Variants in CCSER1 observed in about 807,000 individuals in gnomAD.
CCSER1 encodes the protein serine-rich coiled-coil domain-containing protein 1.
In CCSER1, 41 loss-of-function variants were observed where a neutral mutation model predicts 82.0. That is an observed-to-expected ratio of 0.50 (90% CI 0.39 to 0.65). The LOEUF is 0.65. Among genes scored for constraint, CCSER1 ranks in the 30% least tolerant of loss-of-function variants. The pLI is 0.00. For missense variants in CCSER1, 1,119 were observed against 1,064.2 expected (o/e 1.05, Z -0.72); for synonymous variants, 414 against 383.9 (o/e 1.08, Z -0.92).
chr4:90,479,713 T>C (rs2153597053), intron 5 of CCSER1, among the ~76,000 whole-genome samples: 1 of 152,292 alleles, frequency 6.6e-6, no homozygotes. Flanking sequence ...AACTCATCCT[T>C]TTTTATGGCT....
chr4:90,217,438 T>A (rs947830316), intron 1 of CCSER1, among the ~76,000 whole-genome samples: 9 of 152,120 alleles, frequency 5.9e-5, no homozygotes, highest in African/African-American at 2.2e-4. Flanking sequence ...GACCTTGTAT[T>A]CCGCCCGCCT....
At chr4:90,544,136 G>A (rs1009073934) in intron 5 of CCSER1, among the ~76,000 whole-genome samples, 3 of 152,102 alleles carry the variant, frequency 2.0e-5, no homozygotes, top group African/African-American at 4.8e-5. Flanking sequence ...CAGAAGAACC[G>A]TGAGATTAGA....
intron 10 of CCSER1, among the ~76,000 whole-genome samples, chr4:91,255,406 TAGTG>T (rs565498876): frequency 6.5e-4 from 99 of 152,312 alleles, no homozygotes; most frequent in African/African-American, 2.1e-3. Context: ...TCACAGTTGA[TAGTG>T]AGTTTTCAAA....
intron 1 of CCSER1, among the ~76,000 whole-genome samples, chr4:90,243,419 T>C (rs933572321): frequency 6.6e-6 from 1 of 152,028 alleles, no homozygotes; most frequent in African/African-American, 2.4e-5. Context: ...CAGCTAATTT[T>C]TGTATTTTTA....
At chr4:91,284,167 T>A (rs1293559276) in intron 10 of CCSER1, among the ~76,000 whole-genome samples, 1 of 152,116 alleles carries the variant, frequency 6.6e-6, no homozygotes, top group Admixed American at 6.6e-5. Flanking sequence ...TAGCACTCTC[T>A]CTCTCAACTC....
rs1321398836 is a variant in CCSER1, at chr4:90,743,251, A to G, written c.2010+19260A>G. On this transcript the variant is annotated intron_variant, in intron 7 of 10. Transcript: ENST00000509176. ...TGTGTCCCTTTGGTTAGTGGCTGATACATAGCACAGAAATTAGAAGGTAAA... is the reference window on the plus strand; with the variant it reads ...TGTGTCCCTTTGGTTAGTGGCTGATGCATAGCACAGAAATTAGAAGGTAAA... Among the ~76,000 whole-genome samples the G allele has an allele frequency of 3.9e-5, 6 of 152,222 alleles. No homozygotes were observed. The East Asian group carries it at 1.2e-3, about 29-fold the overall frequency.
intron 5 of CCSER1, among the ~76,000 whole-genome samples, chr4:90,550,905 A>C (rs1196257506): frequency 6.6e-6 from 1 of 152,252 alleles, no homozygotes; most frequent in Non-Finnish European, 1.5e-5. Context: ...TCTAGTTGCA[A>C]ATATTATCTG....
intron 1 of CCSER1, among the ~76,000 whole-genome samples, chr4:90,240,957 G>T (rs987834424): frequency 5.3e-5 from 8 of 152,152 alleles, no homozygotes; most frequent in African/African-American, 1.7e-4. Context: ...GAGTGTTTGA[G>T]CAGCTTTAGT....
chr4:91,032,878 T>C (rs1741105775), intron 9 of CCSER1, among the ~76,000 whole-genome samples: 1 of 152,166 alleles, frequency 6.6e-6, no homozygotes, highest in African/African-American at 2.4e-5. Context: ...ATGATGCCAG[T>C]GTAGGTAGCT....
chr4:91,182,674 G>A (rs1384263051), intron 10 of CCSER1, among the ~76,000 whole-genome samples: 1 of 152,198 alleles, frequency 6.6e-6, no homozygotes, highest in Non-Finnish European at 1.5e-5. Flanking sequence ...TTTAATAGAA[G>A]CTGGAATGCC....
At chr4:91,180,059 G>A (rs1309163662) in intron 10 of CCSER1, among the ~76,000 whole-genome samples, 1 of 152,192 alleles carries the variant, frequency 6.6e-6, no homozygotes, top group African/African-American at 2.4e-5. Flanking sequence ...GTCTATTGGA[G>A]TTTGCTGGAG....
chr4:90,940,892 G>A (rs971419246), intron 9 of CCSER1, among the ~76,000 whole-genome samples: 1 of 152,074 alleles, frequency 6.6e-6, no homozygotes, highest in African/African-American at 2.4e-5. Flanking sequence ...AAAAGTCAGG[G>A]TTTTGTTTTG....
intron 10 of CCSER1, among the ~76,000 whole-genome samples, chr4:91,399,387 G>T (rs1207995893): frequency 1.3e-5 from 2 of 151,642 alleles, no homozygotes; most frequent in South Asian, 2.1e-4. Context: ...CCTAATGGAG[G>T]GAAAAACATT....
intron 6 of CCSER1, among the ~76,000 whole-genome samples, chr4:90,689,486 G>T (rs1579938105): frequency 6.6e-6 from 1 of 152,102 alleles, no homozygotes; most frequent in Non-Finnish European, 1.5e-5. Context: ...ATTGAACTAA[G>T]ATTTCTAATA....
At chr4:90,712,255 T>C (rs574183915) in intron 6 of CCSER1, among the ~76,000 whole-genome samples, 297 of 152,190 alleles carry the variant, frequency 2.0e-3, no homozygotes, top group Non-Finnish European at 2.7e-3. Context: ...CTTGAGATAT[T>C]TATAACTTTT....
At chr4:91,499,624 CT>C (rs1759099792) in intron 10 of CCSER1, among the ~76,000 whole-genome samples, 1 of 151,886 alleles carries the variant, frequency 6.6e-6, no homozygotes, top group Non-Finnish European at 1.5e-5. Flanking sequence ...TGTGGTCTGC[CT>C]ATTCATCTCT....
At position 90,744,992 on chromosome 4, in the gene CCSER1, A is replaced by C. The variant is rs577630518; in HGVS notation, c.2010+21001A>C. The stretch of plus-strand genomic sequence containing the variant: ...ATATATGTACTGCTATATCTTAAAA[A>C]GTTATAGTTTATTAGTTTCATATTG... On this transcript the variant is annotated intron_variant, in intron 7 of 10. Coordinates refer to ENST00000509176, the MANE Select transcript of CCSER1 (RefSeq NM_001145065.2). 8.8e-4 allele frequency among the ~76,000 whole-genome samples: 134 copies of C among 151,938 alleles called. 1 individual carries two copies. Among genetic ancestry groups the C allele is most frequent in the African/African-American group, 2.8e-3 (114 of 41,442 alleles).
At chr4:91,452,344 T>C (rs1755915823) in intron 10 of CCSER1, among the ~76,000 whole-genome samples, 1 of 152,044 alleles carries the variant, frequency 6.6e-6, no homozygotes, top group African/African-American at 2.4e-5. Context: ...CTCCATGGAC[T>C]CCACGTGACT....
chr4:91,583,389 A>AT (rs1763827003), intron 10 of CCSER1, among the ~76,000 whole-genome samples: 1 of 151,412 alleles, frequency 6.6e-6, no homozygotes, highest in Non-Finnish European at 1.5e-5. Flanking sequence ...TCCAGCATTT[A>AT]TAAATTGCAT....
Sources: allele counts gnomAD v4.1 joint callset (sites outside exome capture counted in the v4.1 genomes callset), GRCh38; gene constraint gnomAD v4.1.1; transcripts MANE v1.5; gene names NCBI Gene and HGNC (gene_info 2026-07-23, HGNC 2026-07-21).